The following PSMA1 variants were observed in gnomAD, a reference collection of about 807,000 sequenced individuals.
PSMA1 encodes proteasome subunit alpha type-1.
In PSMA1, 3 loss-of-function variants were observed where a neutral mutation model predicts 38.4. That is an observed-to-expected ratio of 0.08 (90% CI 0.04 to 0.20). PSMA1 has a LOEUF of 0.20. Ranked by LOEUF, PSMA1 falls within the 10% of genes least tolerant of loss-of-function variation. The probability of loss-of-function intolerance (pLI) is 1.00; values close to 1 mark genes in which losing one functional copy is unlikely to be tolerated. For synonymous variants in PSMA1, 101 were observed against 107.1 expected (o/e 0.94, Z 0.35); for missense variants, 227 against 325.3 (o/e 0.70, Z 2.32).
intron 2 of PSMA1, among the ~76,000 whole-genome samples, chr11:14,586,786 G>A (rs1009645873): frequency 3.3e-5 from 5 of 150,952 alleles, no homozygotes; most frequent in African/African-American, 1.2e-4. Context: ...TTTTTAGATG[G>A]AGTCTTGCTC....
chr11:14,555,415 A>T (rs1316267453), intron 2 of PSMA1, among the ~76,000 whole-genome samples: 2 of 152,154 alleles, frequency 1.3e-5, no homozygotes, highest in Non-Finnish European at 2.9e-5. Flanking sequence ...TTAGTCTTTT[A>T]AAAAATAGAA....
rs566878004 is a variant in PSMA1 at position 14,520,328 on chromosome 11, C to G, written c.-29G>C. ...GGCGGCGCGGGCCTGGTTGCGGCCTCCAGCAAAACTGAGAATCAAGGAGGT... is the reference window on the plus strand; with the variant it reads ...GGCGGCGCGGGCCTGGTTGCGGCCTGCAGCAAAACTGAGAATCAAGGAGGT... On this transcript the variant is annotated 5_prime_UTR_variant, in exon 1 of 10. Coordinates refer to ENST00000396394, the MANE Select transcript of PSMA1 (RefSeq NM_002786.4). 3.1e-6 allele frequency: 5 copies of G among 1,614,228 alleles called. No individual in the cohort carries two copies. Among genetic ancestry groups the G allele is most frequent in the Non-Finnish European group, 4.2e-6 (5 of 1,180,034 alleles).
intron 2 of PSMA1, among the ~76,000 whole-genome samples, chr11:14,554,691 T>A (rs577570613): frequency 5.3e-5 from 8 of 152,232 alleles, no homozygotes; most frequent in Non-Finnish European, 8.8e-5. Flanking sequence ...AATATCACAC[T>A]GTTTTCTTTA....
chr11:14,513,097 A>G (rs912636168), intron 7 of PSMA1, among the ~76,000 whole-genome samples: 1 of 152,254 alleles, frequency 6.6e-6, no homozygotes, highest in African/African-American at 2.4e-5. Flanking sequence ...AGCACTTGAA[A>G]ACCTGTCCTG....
In PSMA1 at chr11:14,631,052, CTCTT is replaced by C. The variant is rs1852999779; in HGVS notation, c.-166+12399_-166+12402del. 2.0e-5 allele frequency among the ~76,000 whole-genome samples: 3 copies of C among 152,170 alleles called. No homozygotes were observed. In the South Asian group the frequency reaches 6.2e-4, roughly 32 times the overall value. Reference sequence around the variant, plus strand: ...TTTATTGCGTCTATTTGATTCTTCTCTCTTTTTTTCTTTATTAGTCTTGCTAGCG... The same window carrying C: ...TTTATTGCGTCTATTTGATTCTTCTCTTTTTCTTTATTAGTCTTGCTAGCG... On this transcript the variant is annotated intron_variant, in intron 1 of 10. Coordinates refer to the PSMA1 transcript ENST00000418988.
intron 7 of PSMA1, among the ~76,000 whole-genome samples, chr11:14,512,358 C>T (rs920022656): frequency 1.3e-5 from 2 of 149,570 alleles, no homozygotes; most frequent in African/African-American, 4.9e-5. Flanking sequence ...TGGGCAAAAA[C>T]AGTGAAACCC....
intron 2 of PSMA1, among the ~76,000 whole-genome samples, chr11:14,569,464 G>A (rs1195483887): frequency 6.6e-6 from 1 of 152,202 alleles, no homozygotes; most frequent in Non-Finnish European, 1.5e-5. Flanking sequence ...TCCTAGCCAA[G>A]GGAAGCCATG....
Position 14,608,188 on chromosome 11 carries a change from A to C in PSMA1, c.21+2778T>G, listed in dbSNP as rs569753705. Among the ~76,000 whole-genome samples the C allele has an allele frequency of 4.6e-5, 7 of 152,228 alleles. No individual in the cohort carries two copies. In the South Asian group the frequency reaches 1.5e-3, roughly 32 times the overall value. On this transcript the variant is annotated intron_variant, in intron 2 of 10. Transcript: ENST00000418988. ...CAACATGGTGAGACTTCATCTCTAC[A>C]AAAAATTTAAAAATTGGCCAAGCTT...
chr11:14,572,409 C>T (rs563812182), intron 2 of PSMA1, among the ~76,000 whole-genome samples: 4 of 152,230 alleles, frequency 2.6e-5, no homozygotes, highest in South Asian at 2.1e-4. Context: ...TGCTCCTGAA[C>T]GACTACTGAG....
chr11:14,567,664 A>T (rs1312763565), intron 2 of PSMA1, among the ~76,000 whole-genome samples: 1 of 152,244 alleles, frequency 6.6e-6, no homozygotes, highest in African/African-American at 2.4e-5. Context: ...GAGTTGTCTA[A>T]CATGAATATT....
chr11:14,617,695 A>ATGTGTGTGTG (rs1327545879), intron 1 of PSMA1, among the ~76,000 whole-genome samples: 86 of 146,304 alleles, frequency 5.9e-4, no homozygotes, highest in African/African-American at 2.2e-3. Flanking sequence ...GTATATATAT[A>ATGTGTGTGTG]TATGTGTGTG....
intron 2 of PSMA1, among the ~76,000 whole-genome samples, chr11:14,544,368 C>A (rs1851803916): frequency 2.0e-5 from 3 of 151,842 alleles, no homozygotes; most frequent in Non-Finnish European, 4.4e-5. Context: ...CAAATAATAT[C>A]ATCAGGAAAG....
chr11:14,629,060 G>A (rs1482315571), intron 1 of PSMA1, among the ~76,000 whole-genome samples: 1 of 151,632 alleles, frequency 6.6e-6, no homozygotes, highest in Non-Finnish European at 1.5e-5. Flanking sequence ...GTAGATTCTG[G>A]ATATTAGCCC....
At position 14,542,517 on chromosome 11, in the gene PSMA1, A is replaced by T. The variant is rs1032158775; in HGVS notation, c.22-23476T>A. Among the ~76,000 whole-genome samples the T allele has an allele frequency of 2.6e-5, 4 of 152,204 alleles. 1 individual carries two copies. The East Asian group carries it at 5.8e-4, about 22-fold the overall frequency. On this transcript the variant is annotated intron_variant, in intron 2 of 10. Coordinates refer to the PSMA1 transcript ENST00000418988. ...CCCTATTGTGTCACCTCTACCCCCT[A>T]AAACATTTCACAAAGCTCTGGCTGA... is the stretch of plus-strand genomic sequence containing the variant.
chr11:14,622,108 C>T (rs1852853716), intron 1 of PSMA1, among the ~76,000 whole-genome samples: 2 of 152,176 alleles, frequency 1.3e-5, no homozygotes, highest in Non-Finnish European at 2.9e-5. Flanking sequence ...GACTGGGTAC[C>T]TATGCAGACT....
chr11:14,598,170 T>C (rs1055352189), intron 2 of PSMA1, among the ~76,000 whole-genome samples: 31 of 152,188 alleles, frequency 2.0e-4, no homozygotes, highest in Non-Finnish European at 7.3e-5. Flanking sequence ...TACTTCCAAA[T>C]ATGTGGTCAA....
intron 2 of PSMA1, among the ~76,000 whole-genome samples, chr11:14,598,724 A>G (rs775705918): frequency 1.3e-5 from 2 of 149,056 alleles, no homozygotes; most frequent in Non-Finnish European, 3.0e-5. Flanking sequence ...TTTTAATTGG[A>G]GCATTTAGCC....
chr11:14,558,249 CAAAAAAA>C (rs35509045), intron 2 of PSMA1, among the ~76,000 whole-genome samples: 2 of 78,054 alleles, frequency 2.6e-5, no homozygotes, highest in South Asian at 5.4e-4. Context: ...CCCATCTGCA[CAAAAAAA>C]AAAAAAAAAA....
At chr11:14,555,625 T>C (rs929104417) in intron 2 of PSMA1, among the ~76,000 whole-genome samples, 1 of 152,228 alleles carries the variant, frequency 6.6e-6, no homozygotes, top group Admixed American at 6.5e-5. Flanking sequence ...CTGGTGCTTG[T>C]ACTTTTTCTC....
Sources: allele counts gnomAD v4.1 joint callset (sites outside exome capture counted in the v4.1 genomes callset), GRCh38; gene constraint gnomAD v4.1.1; transcripts MANE v1.5; gene names NCBI Gene and HGNC (gene_info 2026-07-23, HGNC 2026-07-21).